Variants in TRIM62 observed in about 807,000 individuals in gnomAD.
TRIM62 encodes the protein tripartite motif containing 62, also known as E3 ubiquitin-protein ligase TRIM62.
TRIM62 carries 39 observed loss-of-function variants against 44.2 expected under a neutral mutation model. The observed-to-expected ratio is 0.88, with a 90% confidence interval of 0.68 to 1.15. TRIM62 has a LOEUF of 1.15. TRIM62 is among the 50% of genes most tolerant of loss of function. TRIM62 has a pLI of 0.00. For synonymous variants in TRIM62, 278 were observed against 292.3 expected (o/e 0.95, Z 0.50); for missense variants, 544 against 665.5 (o/e 0.82, Z 2.01).
rs1157778594 is a variant in TRIM62 at position 33,181,258 on chromosome 1, C to G, written c.175G>C (p.Glu59Gln). 2 of 1,547,834 alleles carry G rather than the reference C, an allele frequency of 1.3e-6. No individual in the cohort carries two copies. The highest frequency in any genetic ancestry group is 1.2e-5 in the South Asian group (1 of 85,082). Residue 59 changes from glutamate (E) to glutamine (Q), a missense_variant, in exon 1 of 5, where the codon GAG (glutamate) becomes CAG (glutamine). Glu to Gln is a conservative substitution (Grantham distance 29). Transcript: ENST00000291416. The surrounding 1 kb of genome is among the most constrained non-coding windows in gnomAD (Gnocchi z 6.5). ...DCPECRRTFA[E>Q]PALAPSLKLA... ...TTGAGGCTGGGCGCCAGCGCGGGCT[C>G]GGCGAACGTGCGCCGGCACTCGGGG...
Position 33,159,001 on chromosome 1 carries a change from C to T in TRIM62, c.762-633G>A, listed in dbSNP as rs1005299570. On this transcript the variant is annotated intron_variant, in intron 3 of 4. Coordinates refer to ENST00000291416, the MANE Select transcript of TRIM62 (RefSeq NM_018207.3). The surrounding 1 kb of genome is among the most constrained non-coding windows in gnomAD (Gnocchi z 4.2). ...GACTACAGGTGCCTGCCACCACGCC[C>T]GGCTAATTTTTGTATTTTTTTTTAG... is the stretch of plus-strand genomic sequence containing the variant. 3.9e-5 allele frequency among the ~76,000 whole-genome samples: 6 copies of T among 151,990 alleles called. No individual in the cohort carries two copies. Among genetic ancestry groups the T allele is most frequent in the Non-Finnish European group, 5.9e-5 (4 of 68,004 alleles).
At chr1:33,175,956 T>C (rs914038469) in intron 1 of TRIM62, among the ~76,000 whole-genome samples, 3 of 152,214 alleles carry the variant, frequency 2.0e-5, no homozygotes, top group Non-Finnish European at 4.4e-5. Flanking sequence ...GCCCTAAGCT[T>C]CTACACTGTG....
chr1:33,148,089 T>C (rs959405759), intron 4 of TRIM62, among the ~76,000 whole-genome samples: 13 of 152,120 alleles, frequency 8.5e-5, no homozygotes, highest in Non-Finnish European at 1.3e-4. Context: ...GATGATCCAG[T>C]TGCTACTGCC....
intron 4 of TRIM62, among the ~76,000 whole-genome samples, chr1:33,157,988 C>T (rs11577835): frequency 1.3e-5 from 2 of 152,148 alleles, no homozygotes; most frequent in East Asian, 1.9e-4. Context: ...AACTCCTGAC[C>T]TCATGATCCA....
Position 33,161,490 on chromosome 1 carries a change from C to T in TRIM62, c.505-1546G>A, listed in dbSNP as rs1434202620. Among the ~76,000 whole-genome samples, 1 of 152,176 alleles carries T rather than the reference C, an allele frequency of 6.6e-6. No homozygotes were observed. ...AGGCTCTACAAAGGCTCAATTAGGG[C>T]CTGTTCCCTCCCCGACGCGCGGCTG... On this transcript the variant is annotated intron_variant, in intron 2 of 4. Coordinates refer to ENST00000291416, the MANE Select transcript of TRIM62 (RefSeq NM_018207.3). The surrounding 1 kb of genome is among the most constrained non-coding windows in gnomAD (Gnocchi z 4.3).
Position 33,181,471 on chromosome 1 carries a change from G to A in TRIM62, c.-39C>T, listed in dbSNP as rs1367451904. On this transcript the variant is annotated 5_prime_UTR_variant, in exon 1 of 5. Coordinates refer to ENST00000291416, the MANE Select transcript of TRIM62 (RefSeq NM_018207.3). This position sits in a 1 kb window ranked among gnomAD's most constrained non-coding sequence, Gnocchi z 6.5. ...GCAGAGAGGGGGGCCCGAGGGGCAG[G>A]GGGGCGGCTGAGAGAGCGCGGCGCT... 5 of 1,543,186 alleles carry A rather than the reference G, an allele frequency of 3.2e-6. No homozygotes were observed. The highest frequency in any genetic ancestry group is 3.5e-6 in the Non-Finnish European group (4 of 1,154,632).
intron 2 of TRIM62, chr1:33,164,034 C>G (rs1161437600): frequency 6.6e-6 from 1 of 152,396 alleles, no homozygotes; most frequent in South Asian, 2.1e-4. Context: ...ATACTCCGCT[C>G]TCATACAGAG....
At chr1:33,152,454 C>T (rs1645112853) in intron 4 of TRIM62, among the ~76,000 whole-genome samples, 1 of 152,152 alleles carries the variant, frequency 6.6e-6, no homozygotes, top group African/African-American at 2.4e-5. Context: ...GTAATCCCAG[C>T]TACTTGGGAG....
intron 2 of TRIM62, among the ~76,000 whole-genome samples, chr1:33,162,052 G>T (rs774521023): frequency 4.3e-4 from 66 of 152,158 alleles, no homozygotes; most frequent in Non-Finnish European, 7.9e-4. Context: ...ATCCCTCTGG[G>T]GTCCCACAGG....
At chr1:33,180,463 C>A (rs1645451637) in intron 1 of TRIM62, among the ~76,000 whole-genome samples, 1 of 152,116 alleles carries the variant, frequency 6.6e-6, no homozygotes, top group South Asian at 2.1e-4. Context: ...CTAACTTATA[C>A]CACTCTATTA....
chr1:33,175,001 G>GTATATGTATATGTATATGTA (rs56292337), intron 1 of TRIM62, among the ~76,000 whole-genome samples: 5 of 135,668 alleles, frequency 3.7e-5, no homozygotes, highest in African/African-American at 1.5e-4. Flanking sequence ...ACACACACAT[G>GTATATGTATATGTATATGTA]TATGTATATG....
At chr1:33,174,958 TA>T (rs1645403957) in intron 1 of TRIM62, among the ~76,000 whole-genome samples, 1 of 146,352 alleles carries the variant, frequency 6.8e-6, no homozygotes, top group Non-Finnish European at 1.5e-5. Flanking sequence ...TATATATATA[TA>T]TATATATATA....
In TRIM62 at chr1:33,159,583, G is replaced by T; in HGVS notation, c.761+105C>A. The T allele has an allele frequency of 1.4e-6, 2 of 1,425,308 alleles. No homozygotes were observed. Among genetic ancestry groups the T allele is most frequent in the Non-Finnish European group, 1.9e-6 (2 of 1,077,156 alleles). 88.3% of individuals were successfully genotyped at this position (1,425,308 alleles called of 1,614,324 possible). A position where few individuals can be genotyped will look rare whatever the true frequency, so the allele number is the denominator to read the frequency against. ...GTAAATGTTTGATGAAGATTTGAAT[G>T]AAAGAATTCTCTGCTAAGGATCCCA... On this transcript the variant is annotated intron_variant, in intron 3 of 4. Coordinates refer to ENST00000291416, the MANE Select transcript of TRIM62 (RefSeq NM_018207.3). The surrounding 1 kb of genome is among the most constrained non-coding windows in gnomAD (Gnocchi z 4.2).
chr1:33,174,998 C>T (rs55968538), intron 1 of TRIM62, among the ~76,000 whole-genome samples: 597 of 40,626 alleles, frequency 0.015, 11 homozygotes, highest in African/African-American at 0.058. Context: ...TGCACACACA[C>T]ATGTATGTAT....
At chr1:33,176,338 A>G in intron 1 of TRIM62, 1 of 639,006 alleles carries the variant, frequency 1.6e-6, no homozygotes, top group East Asian at 2.8e-5. Context: ...CGAAATTTGA[A>G]CCTAGCCCCC....
intron 1 of TRIM62, among the ~76,000 whole-genome samples, chr1:33,175,923 A>T (rs1645415485): frequency 6.6e-6 from 1 of 152,138 alleles, no homozygotes; most frequent in African/African-American, 2.4e-5. Context: ...TATAAAATAA[A>T]CATCTTGGGG....
rs41310426 is a variant in TRIM62, at chr1:33,147,226, G to A, written c.1379C>T (p.Ala460Val). 5.1e-4 allele frequency: 826 copies of A among 1,613,994 alleles called. 2 individuals carry two copies. Among genetic ancestry groups the A allele is most frequent in the South Asian group, 1.0e-3 (92 of 91,080 alleles). Residue 460 changes from alanine to valine, a missense_variant, in exon 5 of 5, where the codon GCC becomes GTC. By Grantham distance (64) the Ala-to-Val change is moderately conservative. Coordinates refer to ENST00000291416, the MANE Select transcript of TRIM62 (RefSeq NM_018207.3). The surrounding 1 kb of genome is among the most constrained non-coding windows in gnomAD (Gnocchi z 8.1). ...CAGCGGCTGAACGTTCTTGCCATTG[G>A]CGTGGCTCTGGCCAGGGCTGAAGTA... ...CSYFSPGQSHANGKNVQPLRI... is the reference protein window; with the variant it reads ...CSYFSPGQSHVNGKNVQPLRI...
intron 1 of TRIM62, among the ~76,000 whole-genome samples, chr1:33,174,998 C>CATAT (rs1557762517): frequency 2.5e-5 from 1 of 40,706 alleles, no homozygotes; most frequent in African/African-American, 1.1e-4. Flanking sequence ...TGCACACACA[C>CATAT]ATGTATGTAT....
At chr1:33,180,759 A>AGT (rs2147993598) in intron 1 of TRIM62, among the ~76,000 whole-genome samples, 1 of 151,680 alleles carries the variant, frequency 6.6e-6, no homozygotes, top group African/African-American at 2.4e-5. Context: ...CTTCTCCCTA[A>AGT]CCGCGGACCA....
Sources: allele counts gnomAD v4.1 joint callset (sites outside exome capture counted in the v4.1 genomes callset), GRCh38; gene constraint gnomAD v4.1.1; non-coding constraint Gnocchi (gnomAD v3.1); transcripts MANE v1.5; gene names NCBI Gene and HGNC (gene_info 2026-07-23, HGNC 2026-07-21).